The following CFAP53 variants were observed in gnomAD, a reference collection of about 807,000 sequenced individuals.
CFAP53 encodes the protein cilia- and flagella-associated protein 53.
In CFAP53, 62 loss-of-function variants were observed where a neutral mutation model predicts 59.7. The observed-to-expected ratio is 1.04, with a 90% confidence interval of 0.85 to 1.28. The LOEUF (loss-of-function observed/expected upper bound fraction) is 1.28, where lower values mean the gene tolerates loss of function less well. Among genes scored for constraint, CFAP53 ranks in the 50% most tolerant of loss-of-function variants. The pLI is 0.00. For synonymous variants in CFAP53, 218 were observed against 205.7 expected, an observed-to-expected ratio of 1.06 and a Z score of -0.51; for missense variants, 629 against 615.6, an observed-to-expected ratio of 1.02 and a Z score of -0.23.
intron 7 of CFAP53, among the ~76,000 whole-genome samples, chr18:50,230,433 G>A (rs937424412): frequency 3.3e-5 from 5 of 152,200 alleles, no homozygotes; most frequent in African/African-American, 1.2e-4. Flanking sequence ...ACACAGGGAG[G>A]TGCTGAAAGG....
At chr18:50,237,824 C>G (rs2033652904) in intron 7 of CFAP53, among the ~76,000 whole-genome samples, 1 of 152,142 alleles carries the variant, frequency 6.6e-6, no homozygotes, top group Non-Finnish European at 1.5e-5. Flanking sequence ...TGGTATTTCC[C>G]AAAGCATCCA....
chr18:50,237,863 C>G (rs1414740819), intron 7 of CFAP53, among the ~76,000 whole-genome samples: 3 of 152,156 alleles, frequency 2.0e-5, no homozygotes, highest in Non-Finnish European at 2.9e-5. Flanking sequence ...AGGCTAAACA[C>G]GTCCTCCTAG....
Position 50,242,941 on chromosome 18 carries a change from T to A in CFAP53, c.1172A>T (p.Asp391Val). ...AAGTTTTCTTGTACACATGACCTCA[T>A]CCACAAGCTGTCTCCTTGCCTCCTT... is the stretch of plus-strand genomic sequence containing the variant. ...LEKEARRQLV[D>V]EVMCTRKLQV... The change falls in exon 6 of 8, where the codon GAT becomes GTT. Residue 391 changes from aspartate (D) to valine (V), a missense_variant. Coordinates refer to ENST00000398545, the MANE Select transcript of CFAP53 (RefSeq NM_145020.5). 1 of 1,613,976 alleles carries A rather than the reference T, an allele frequency of 6.2e-7. No homozygotes were observed. The highest frequency in any genetic ancestry group is 1.1e-5 in the South Asian group (1 of 91,076).
At chr18:50,243,460 T>C (rs907236040) in intron 5 of CFAP53, among the ~76,000 whole-genome samples, 2 of 152,222 alleles carry the variant, frequency 1.3e-5, no homozygotes, top group Non-Finnish European at 2.9e-5. Context: ...TTTCTCAAAG[T>C]AGTTGCCAAA....
At chr18:50,266,233 C>T in intron 1 of CFAP53, 103 bp downstream of exon 1, 2 of 1,097,790 alleles carry the variant, frequency 1.8e-6, no homozygotes, top group Non-Finnish European at 2.8e-6. Context: ...CACCCGTTCC[C>T]CTCGAGAAGG....
Position 50,238,597 on chromosome 18 carries a change from T to C in CFAP53, c.1316+6A>G. The C allele has an allele frequency of 6.2e-7, 1 of 1,604,022 alleles. No homozygotes were observed. Among genetic ancestry groups the C allele is most frequent in the Middle Eastern group, 1.7e-4 (1 of 5,974 alleles). On this transcript the variant is annotated splice_donor_region_variant and intron_variant, in intron 7 of 7. Transcript: ENST00000398545. The stretch of plus-strand genomic sequence containing the variant: ...GCAAATGATGATACAGAAAACAAAA[T>C]CATACCTTGCAAAATTCTCCTTCTC...
intron 1 of CFAP53, 91 bp downstream of exon 1, chr18:50,266,245 C>T: frequency 1.6e-6 from 2 of 1,270,304 alleles, no homozygotes; most frequent in South Asian, 2.4e-5. Flanking sequence ...TCGAGAAGGC[C>T]CCGGGTGGGG....
chr18:50,228,998 G>A (rs568515480), intron 7 of CFAP53, among the ~76,000 whole-genome samples: 79 of 152,040 alleles, frequency 5.2e-4, no homozygotes, highest in African/African-American at 1.8e-3. Flanking sequence ...TGAAGTGGGT[G>A]GATTTTCTGA....
rs67836600 is a variant in CFAP53, at chr18:50,237,351, T to TATATATATATATATATATATATAC, written c.1316+1251_1316+1252insGTATATATATATATATATATATAT. ...AAAAATATATATATATATATATATA[T>TATATATATATATATATATATATAC]ACGCACACATATATATACACACACA... is the stretch of plus-strand genomic sequence containing the variant. On this transcript the variant is annotated intron_variant, in intron 7 of 7. Coordinates refer to ENST00000398545, the MANE Select transcript of CFAP53 (RefSeq NM_145020.5). Among the ~76,000 whole-genome samples the TATATATATATATATATATATATAC allele has an allele frequency of 4.1e-3, 67 of 16,322 alleles. 7 individuals carry two copies. Among genetic ancestry groups the TATATATATATATATATATATATAC allele is most frequent in the Non-Finnish European group, 5.3e-3 (45 of 8,484 alleles). 10.7% of individuals were successfully genotyped at this position (16,322 alleles called of 152,430 possible).
At chr18:50,243,779 G>A (rs1444885822) in intron 5 of CFAP53, among the ~76,000 whole-genome samples, 2 of 151,932 alleles carry the variant, frequency 1.3e-5, no homozygotes, top group African/African-American at 2.4e-5. Flanking sequence ...GTGAAACCCC[G>A]TCTCTACTAA....
Position 50,227,609 on chromosome 18 carries a change from T to A in CFAP53, c.1317A>T (p.Arg439Ser). 2 of 1,609,424 alleles carry A rather than the reference T, an allele frequency of 1.2e-6. No individual in the cohort carries two copies. The highest frequency in any genetic ancestry group is 1.7e-6 in the Non-Finnish European group (2 of 1,175,828). The change falls in exon 8 of 8, where the codon AGA becomes AGT. Residue 439 changes from arginine to serine, a missense_variant and splice_region_variant. Physicochemically the swap from Arg to Ser is moderately radical, Grantham distance 110 (BLOSUM62 -1). Coordinates refer to ENST00000398545, the MANE Select transcript of CFAP53 (RefSeq NM_145020.5). The part of the protein sequence containing the change: ...LNCEEKENFA[R>S]RQRLAQEYRK... Reference sequence around the variant, plus strand: ...TGTACTCCTGGGCTAAACGTTGGCGTCTAAAGTATTAGAAATGTCAAAGCA... The same window carrying A: ...TGTACTCCTGGGCTAAACGTTGGCGACTAAAGTATTAGAAATGTCAAAGCA...
intron 3 of CFAP53, chr18:50,256,415 C>T (rs891737790): frequency 5.9e-5 from 9 of 152,146 alleles, no homozygotes; most frequent in African/African-American, 2.2e-4. Flanking sequence ...AAGCTTAAGA[C>T]CTAGACAAAT....
At chr18:50,241,556 G>A (rs535166333) in intron 6 of CFAP53, among the ~76,000 whole-genome samples, 127 of 152,170 alleles carry the variant, frequency 8.3e-4, no homozygotes, top group African/African-American at 2.8e-3. Flanking sequence ...CCTAAGTGTC[G>A]GCTGGTCTGA....
At chr18:50,244,990 G>A (rs7237231) in intron 5 of CFAP53, among the ~76,000 whole-genome samples, 45,090 of 149,466 alleles carry the variant, frequency 0.3, 6,979 homozygotes, top group African/African-American at 0.36. Flanking sequence ...TTGAACCTGG[G>A]AGGCAGAGGT....
intron 3 of CFAP53, among the ~76,000 whole-genome samples, chr18:50,254,452 AAAAAC>A (rs1206113429): frequency 6.6e-6 from 1 of 152,228 alleles, no homozygotes; most frequent in Admixed American, 6.5e-5. Flanking sequence ...AGCTAAAAAT[AAAAAC>A]AAAACAAAAC....
intron 3 of CFAP53, among the ~76,000 whole-genome samples, chr18:50,252,850 CA>C (rs1432396141): frequency 2.0e-5 from 3 of 152,154 alleles, no homozygotes; most frequent in African/African-American, 4.8e-5. Flanking sequence ...CTTGTCTCTA[CA>C]AAAGTTTTTA....
intron 7 of CFAP53, 54 bp downstream of exon 7, chr18:50,238,549 G>T: frequency 1.6e-6 from 2 of 1,279,464 alleles, no homozygotes; most frequent in Non-Finnish European, 2.2e-6. Flanking sequence ...ACCATGGCTA[G>T]CCAAAAATCC....
intron 3 of CFAP53, among the ~76,000 whole-genome samples, chr18:50,257,569 C>G (rs2033856935): frequency 6.6e-6 from 1 of 152,134 alleles, no homozygotes; most frequent in Non-Finnish European, 1.5e-5. Context: ...TGAAAGATCT[C>G]TACAATGAAA....
intron 6 of CFAP53, among the ~76,000 whole-genome samples, chr18:50,242,529 G>A (rs2033700166): frequency 1.3e-5 from 2 of 152,092 alleles, no homozygotes; most frequent in South Asian, 2.1e-4. Flanking sequence ...TCCATTCAGG[G>A]TCCCTGACTT....
Sources: allele counts gnomAD v4.1 joint callset (sites outside exome capture counted in the v4.1 genomes callset), GRCh38; gene constraint gnomAD v4.1.1; transcripts MANE v1.5; gene names NCBI Gene and HGNC (gene_info 2026-07-23, HGNC 2026-07-21).